Variants in OPN5 observed in about 807,000 individuals in gnomAD.
OPN5 encodes the protein opsin-5.
OPN5 carries 18 observed loss-of-function variants against 41.7 expected under a neutral mutation model. The ratio of observed to expected loss-of-function variants is 0.43; its 90% CI spans 0.30 to 0.64. The LOEUF (loss-of-function observed/expected upper bound fraction) is 0.64. Among genes scored for constraint, OPN5 ranks in the 30% least tolerant of loss-of-function variants. The pLI is 0.13. For missense variants in OPN5, 318 were observed against 434.5 expected (o/e 0.73, Z 2.38); for synonymous variants, 178 against 164.3 (o/e 1.08, Z -0.64).
intron 2 of OPN5, among the ~76,000 whole-genome samples, chr6:47,788,805 T>G (rs1196963997): frequency 7.2e-5 from 9 of 125,264 alleles, no homozygotes; most frequent in African/African-American, 9.1e-5. Context: ...TAGGATAACC[T>G]GGGGGGGGGC....
chr6:47,798,975 A>G (rs1179752575), intron 4 of OPN5, among the ~76,000 whole-genome samples: 4 of 152,128 alleles, frequency 2.6e-5, no homozygotes, highest in Non-Finnish European at 5.9e-5. Flanking sequence ...GGATTCTGAG[A>G]TCAAAATCAT....
intron 4 of OPN5, among the ~76,000 whole-genome samples, 169 bp downstream of exon 4, chr6:47,795,732 C>T (rs1773536247): frequency 6.6e-6 from 1 of 151,406 alleles, no homozygotes; most frequent in East Asian, 1.9e-4. Context: ...TCTCTCTCCT[C>T]TTTCTGTCTC....
At chr6:47,783,220 G>T (rs1773124558) in intron 1 of OPN5, among the ~76,000 whole-genome samples, 2 of 152,042 alleles carry the variant, frequency 1.3e-5, no homozygotes, top group South Asian at 2.1e-4. Flanking sequence ...TTTAAGAAAA[G>T]AAACCATACT....
At chr6:47,824,030 A>G in exon 7 of OPN5, 1 of 1,520,522 alleles carries the variant, frequency 6.6e-7, no homozygotes, top group Non-Finnish European at 8.9e-7. Flanking sequence ...TGAAGTGCTT[A>G]CACGGCGTCT....
chr6:47,783,603 T>C (rs1489595695), intron 1 of OPN5, among the ~76,000 whole-genome samples: 2 of 152,210 alleles, frequency 1.3e-5, no homozygotes, highest in Admixed American at 6.5e-5. Context: ...AGTGTTTTAC[T>C]AGTTTAAATT....
chr6:47,822,328 AT>A (rs963933313), intron 6 of OPN5, among the ~76,000 whole-genome samples: 6 of 152,154 alleles, frequency 3.9e-5, no homozygotes, highest in Non-Finnish European at 8.8e-5. Context: ...AGAGTTTGTT[AT>A]TCATTGAATG....
chr6:47,794,113 C>A (rs772186678), intron 3 of OPN5, among the ~76,000 whole-genome samples: 1 of 152,094 alleles, frequency 6.6e-6, no homozygotes, highest in African/African-American at 2.4e-5. Flanking sequence ...AAAGCAGGCC[C>A]CTTACATTAT....
chr6:47,789,540 C>A (rs575240704), intron 2 of OPN5, among the ~76,000 whole-genome samples: 153 of 152,032 alleles, frequency 1.0e-3, no homozygotes, highest in African/African-American at 3.0e-3. Flanking sequence ...TGGAAAAAAA[C>A]CCCACAAACC....
At chr6:47,822,434 C>A (rs949902956) in intron 6 of OPN5, among the ~76,000 whole-genome samples, 1 of 152,164 alleles carries the variant, frequency 6.6e-6, no homozygotes, top group Non-Finnish European at 1.5e-5. Context: ...ATTTTCCTTA[C>A]ACCCAAAACT....
intron 4 of OPN5, among the ~76,000 whole-genome samples, chr6:47,805,771 A>G (rs1047836156): frequency 2.6e-5 from 4 of 152,176 alleles, no homozygotes; most frequent in African/African-American, 7.2e-5. Flanking sequence ...CTAATAAAAC[A>G]TTGTATGTCT....
downstream of OPN5, chr6:47,825,714 TAA>T (rs1459227410): frequency 6.6e-6 from 1 of 152,158 alleles, no homozygotes; most frequent in Non-Finnish European, 1.5e-5. Context: ...AGAAAAAAAT[TAA>T]GTTAAAAATA....
chr6:47,784,308 T>TG (rs926868852), intron 1 of OPN5, among the ~76,000 whole-genome samples: 12 of 149,934 alleles, frequency 8.0e-5, no homozygotes, highest in African/African-American at 2.7e-4. Flanking sequence ...GATTCCTTTT[T>TG]TTTTTGGACA....
chr6:47,800,823 A>G (rs1773743257), intron 4 of OPN5, among the ~76,000 whole-genome samples: 1 of 152,236 alleles, frequency 6.6e-6, no homozygotes, highest in South Asian at 2.1e-4. Flanking sequence ...CAATTTTTGC[A>G]AAGGCAGTTT....
At chr6:47,793,313 A>T (rs1773444813) in intron 3 of OPN5, among the ~76,000 whole-genome samples, 1 of 152,156 alleles carries the variant, frequency 6.6e-6, no homozygotes, top group Admixed American at 6.5e-5. Context: ...CACTGCCAGG[A>T]TCATTGCAGG....
At chr6:47,816,490 G>T (rs1762432849) in intron 6 of OPN5, among the ~76,000 whole-genome samples, 1 of 152,106 alleles carries the variant, frequency 6.6e-6, no homozygotes, top group South Asian at 2.1e-4. Flanking sequence ...GTGTTTGAAT[G>T]TTTGGTTTGA....
chr6:47,787,802 C>A (rs1773237661), intron 2 of OPN5, among the ~76,000 whole-genome samples: 1 of 152,092 alleles, frequency 6.6e-6, no homozygotes, highest in Non-Finnish European at 1.5e-5. Context: ...TAAAAAATAG[C>A]TGGGCACTTG....
intron 4 of OPN5, among the ~76,000 whole-genome samples, chr6:47,800,426 T>C (rs1773724894): frequency 6.6e-6 from 1 of 152,168 alleles, no homozygotes; most frequent in Admixed American, 6.5e-5. Flanking sequence ...ACAGGAGCCT[T>C]GGGGTCCAGG....
At chr6:47,794,336 T>C (rs1773476591) in intron 3 of OPN5, among the ~76,000 whole-genome samples, 2 of 152,206 alleles carry the variant, frequency 1.3e-5, no homozygotes, top group African/African-American at 4.8e-5. Context: ...AAAGAGTCAC[T>C]TTCCTGGCCC....
At chr6:47,809,400 A>G (rs1774104951) in intron 5 of OPN5, among the ~76,000 whole-genome samples, 1 of 152,218 alleles carries the variant, frequency 6.6e-6, no homozygotes, top group Non-Finnish European at 1.5e-5. Flanking sequence ...CAAGTGACAA[A>G]TATTTTGGAC....
Sources: gnomAD v4.1 joint callset for allele counts (sites outside exome capture counted in the v4.1 genomes callset) on GRCh38, gnomAD v4.1.1 for gene constraint, MANE v1.5 for transcripts, NCBI Gene and HGNC (gene_info 2026-07-23, HGNC 2026-07-21) for gene names.